Variants in TSPAN18 observed in about 807,000 individuals in gnomAD.
The protein encoded by TSPAN18 is tetraspanin-18.
TSPAN18 carries 14 observed loss-of-function variants against 27.3 expected under a neutral mutation model. The ratio of observed to expected loss-of-function variants is 0.51; its 90% confidence interval spans 0.34 to 0.80. TSPAN18 has a LOEUF of 0.80. TSPAN18 is among the 30% of genes least tolerant of loss of function. The pLI, the probability that TSPAN18 is intolerant of heterozygous loss-of-function variation, is 0.01. For missense variants in TSPAN18, 268 were observed against 323.9 expected, an observed-to-expected ratio of 0.83 and a Z score of 1.32; for synonymous variants, 143 against 136.5, an observed-to-expected ratio of 1.05 and a Z score of -0.33.
intron 5 of TSPAN18, among the ~76,000 whole-genome samples, chr11:44,911,897 T>G (rs1859730783): frequency 6.6e-6 from 1 of 151,624 alleles, no homozygotes; most frequent in South Asian, 2.1e-4. Flanking sequence ...TGGGGGCCCT[T>G]CGACAAGGCC....
chr11:44,783,343 C>A (rs1222706804), intron 2 of TSPAN18, among the ~76,000 whole-genome samples: 1 of 151,756 alleles, frequency 6.6e-6, no homozygotes. Context: ...AGGAAAGCTA[C>A]AGACTGGAAG....
At chr11:44,727,329 C>G (rs1041453790) in intron 1 of TSPAN18, 42 bp downstream of exon 1, 2 of 152,326 alleles carry the variant, frequency 1.3e-5, no homozygotes, top group African/African-American at 2.4e-5. Flanking sequence ...ACGCCGCCGC[C>G]GCGCCCCCGG....
intron 1 of TSPAN18, among the ~76,000 whole-genome samples, chr11:44,745,640 A>G (rs1157724556): frequency 1.3e-5 from 2 of 152,172 alleles, no homozygotes; most frequent in African/African-American, 2.4e-5. Context: ...GAACATAGGT[A>G]TGCTCAGTTT....
intron 1 of TSPAN18, among the ~76,000 whole-genome samples, 172 bp downstream of exon 1, chr11:44,727,459 G>A (rs1854543605): frequency 6.6e-6 from 1 of 152,202 alleles, no homozygotes; most frequent in Non-Finnish European, 1.5e-5. Flanking sequence ...AAACTAGCAC[G>A]CGGGGGCTGG....
Position 44,854,210 on chromosome 11 carries a change from GGTTTGTGTGCGTGTGATGTGGGTGT to G in TSPAN18, c.-152-6112_-152-6088del, listed in dbSNP as rs1447309361. Among the ~76,000 whole-genome samples the G allele has an allele frequency of 4.6e-5, 6 of 131,792 alleles. No homozygotes were observed. In the East Asian group the frequency reaches 8.3e-4, roughly 18 times the overall value. 86.5% of individuals were successfully genotyped at this position (131,792 alleles called of 152,430 possible). ...CATTGGGGCAGGGGGTGGGGGGGGG[GGTTTGTGTGCGTGTGATGTGGGTGT>G]GTTTGACAGAGCCTGGCTGAGTTAG... On this transcript the variant is annotated intron_variant, in intron 2 of 9. Coordinates refer to ENST00000520358, the MANE Select transcript of TSPAN18 (RefSeq NM_130783.5).
At chr11:44,775,090 C>T (rs1429641530) in intron 2 of TSPAN18, among the ~76,000 whole-genome samples, 1 of 152,188 alleles carries the variant, frequency 6.6e-6, no homozygotes, top group Non-Finnish European at 1.5e-5. Context: ...TGTCTAGTGT[C>T]TGCTGTCACC....
chr11:44,796,761 C>G (rs1011456805), intron 2 of TSPAN18, among the ~76,000 whole-genome samples: 1 of 152,144 alleles, frequency 6.6e-6, no homozygotes, highest in Non-Finnish European at 1.5e-5. Context: ...TCTGTCTGTC[C>G]TCTAGGCTTC....
chr11:44,884,449 C>T (rs778798251), intron 3 of TSPAN18, among the ~76,000 whole-genome samples: 19 of 152,198 alleles, frequency 1.2e-4, no homozygotes, highest in Non-Finnish European at 1.6e-4. Context: ...GCAGCAGCGT[C>T]AGGCCCCTGG....
chr11:44,748,188 A>G (rs1313725978), intron 1 of TSPAN18, among the ~76,000 whole-genome samples: 2 of 152,208 alleles, frequency 1.3e-5, no homozygotes, highest in African/African-American at 2.4e-5. Context: ...CAGACAGATC[A>G]CTTGAGGCCA....
intron 1 of TSPAN18, among the ~76,000 whole-genome samples, chr11:44,729,637 C>A (rs900579953): frequency 1.3e-5 from 2 of 152,210 alleles, no homozygotes; most frequent in Admixed American, 6.5e-5. Context: ...TTTTACCCAA[C>A]CCCAGTCTGA....
intron 2 of TSPAN18, among the ~76,000 whole-genome samples, chr11:44,856,971 TGCTGC>T (rs1422819728): frequency 6.6e-6 from 1 of 152,224 alleles, no homozygotes; most frequent in East Asian, 1.9e-4. Flanking sequence ...CTTGGTTTAC[TGCTGC>T]GTAAATGGCC....
chr11:44,744,594 G>A (rs1333339510), intron 1 of TSPAN18, among the ~76,000 whole-genome samples: 1 of 152,084 alleles, frequency 6.6e-6, no homozygotes, highest in Non-Finnish European at 1.5e-5. Context: ...TAAAAACCAG[G>A]GCAAAAAACC....
intron 2 of TSPAN18, among the ~76,000 whole-genome samples, chr11:44,787,328 G>A (rs1022995798): frequency 6.6e-6 from 1 of 152,212 alleles, no homozygotes. Context: ...TGTAGTTAGT[G>A]AGGAACACAG....
rs1340929915 is a variant in TSPAN18, at chr11:44,778,291, G to T, written c.-153+13779G>T. Among the ~76,000 whole-genome samples the T allele has an allele frequency of 2.0e-5, 3 of 152,116 alleles. No homozygotes were observed. The East Asian group carries it at 5.8e-4, about 29-fold the overall frequency. Reference sequence around the variant, plus strand: ...CAAATAGTAGCCTCTTATGGGGAGAGGGGAGTTTCTCCCTCATCTCCCCTT... The same window carrying T: ...CAAATAGTAGCCTCTTATGGGGAGATGGGAGTTTCTCCCTCATCTCCCCTT... On this transcript the variant is annotated intron_variant, in intron 2 of 9. Coordinates refer to ENST00000520358, the MANE Select transcript of TSPAN18 (RefSeq NM_130783.5).
At chr11:44,776,130 CCTGCAGTGCAGGCTGGTGTGCT>C (rs1451967828) in intron 2 of TSPAN18, among the ~76,000 whole-genome samples, 2 of 152,190 alleles carry the variant, frequency 1.3e-5, no homozygotes, top group African/African-American at 4.8e-5. Context: ...GGCTTTACAG[CCTGCAGTGCAGGCTGGTGTGCT>C]CTGCAGTGGC....
intron 3 of TSPAN18, among the ~76,000 whole-genome samples, chr11:44,871,940 T>C (rs924018984): frequency 1.3e-5 from 2 of 152,100 alleles, no homozygotes; most frequent in African/African-American, 2.4e-5. Context: ...CTCTTTTTTT[T>C]TGAGACAGAG....
At chr11:44,919,666 C>T (rs1860049493) in intron 7 of TSPAN18, 151 bp from the exon 8 acceptor site, 1 of 777,806 alleles carries the variant, frequency 1.3e-6, no homozygotes, top group Admixed American at 2.3e-5. Context: ...AGCTGAGTGG[C>T]TTTCCCATGG....
At chr11:44,902,451 T>A (rs984088602) in intron 3 of TSPAN18, among the ~76,000 whole-genome samples, 2 of 152,186 alleles carry the variant, frequency 1.3e-5, no homozygotes, top group Non-Finnish European at 2.9e-5. Context: ...GGAAATGGTA[T>A]CCTGGGGGAC....
intron 6 of TSPAN18, among the ~76,000 whole-genome samples, 185 bp downstream of exon 6, chr11:44,918,231 T>C (rs983316937): frequency 3.9e-5 from 6 of 152,200 alleles, no homozygotes; most frequent in African/African-American, 1.4e-4. Flanking sequence ...GAGACCCCAG[T>C]AAGCCTGTTC....
Sources: allele counts gnomAD v4.1 joint callset (sites outside exome capture counted in the v4.1 genomes callset), GRCh38; gene constraint gnomAD v4.1.1; transcripts MANE v1.5; gene names NCBI Gene and HGNC (gene_info 2026-07-23, HGNC 2026-07-21).